Variants in POLR3D observed in about 807,000 individuals in gnomAD.
POLR3D encodes the protein DNA-directed RNA polymerase III subunit RPC4.
In POLR3D, 42 loss-of-function variants were observed where a neutral mutation model predicts 44.5. That is an observed-to-expected ratio of 0.94 (90% CI 0.74 to 1.22). The LOEUF (loss-of-function observed/expected upper bound fraction) is 1.22. Among genes scored for constraint, POLR3D ranks in the 50% most tolerant of loss-of-function variants. The probability of loss-of-function intolerance (pLI) is 0.00; values close to 1 mark genes in which losing one functional copy is unlikely to be tolerated. For missense variants in POLR3D, 507 were observed against 505.2 expected, an observed-to-expected ratio of 1.00 and a Z score of -0.03; for synonymous variants, 217 against 198.1, an observed-to-expected ratio of 1.10 and a Z score of -0.80.
In POLR3D at chr8:22,251,219, G is replaced by C. The variant is rs548993114; in HGVS notation, c.*701G>C. 1 of 153,402 alleles carries C rather than the reference G, an allele frequency of 6.5e-6. No homozygotes were observed. Among genetic ancestry groups the C allele is most frequent in the Admixed American group, 6.5e-5 (1 of 15,280 alleles). The allele number at this position is 153,402 out of a possible 1,614,324, so 9.5% of individuals were successfully genotyped here. On this transcript the variant is annotated 3_prime_UTR_variant, in exon 9 of 9. Transcript: ENST00000306433. ...AGATTCTAAATCTCCCAGAAGCAGC[G>C]ACTAGAGCTGCTCCCGTCCCCACTC...
At chr8:22,247,773 G>C in intron 3 of POLR3D, 84 bp from the exon 4 acceptor site, 1 of 1,275,372 alleles carries the variant, frequency 7.8e-7, no homozygotes, top group Non-Finnish European at 1.1e-6. Context: ...CCACTGTTTT[G>C]GAGTGAAGTG....
At chr8:22,249,427 A>G in intron 7 of POLR3D, 118 bp downstream of exon 7, 1 of 1,085,080 alleles carries the variant, frequency 9.2e-7, no homozygotes, top group Non-Finnish European at 1.3e-6. Context: ...ATGGGTGGTT[A>G]TTCTTGACGC....
intron 2 of POLR3D, 135 bp from the exon 3 acceptor site, chr8:22,247,086 A>T (rs557601129): frequency 1.5e-6 from 1 of 649,934 alleles, no homozygotes; most frequent in South Asian, 2.0e-5. Flanking sequence ...TATAAAACTG[A>T]CAGCACTGTG....
At chr8:22,248,923 G>A (rs751335284) in intron 6 of POLR3D, 121 bp from the exon 7 acceptor site, 138 of 1,128,258 alleles carry the variant, frequency 1.2e-4, no homozygotes, top group Middle Eastern at 2.9e-4. Flanking sequence ...TGTATAACTG[G>A]TGCCTCCTTC....
At chr8:22,248,787 T>C (rs564970353) in intron 6 of POLR3D, 138 bp downstream of exon 6, 99 of 907,080 alleles carry the variant, frequency 1.1e-4, no homozygotes, top group Non-Finnish European at 1.7e-4. Context: ...ATACATGAGC[T>C]GAACAAAGAT....
chr8:22,245,354 C>G (rs1170614630), intron 1 of POLR3D, 91 bp from the exon 2 acceptor site: 1 of 975,630 alleles, frequency 1.0e-6, no homozygotes, highest in Non-Finnish European at 1.4e-6. Context: ...AGGGACGCAC[C>G]GACTGGGGGA....
intron 2 of POLR3D, among the ~76,000 whole-genome samples, chr8:22,246,981 G>A (rs1355900109): frequency 6.6e-6 from 1 of 152,146 alleles, no homozygotes; most frequent in Non-Finnish European, 1.5e-5. Flanking sequence ...AGAACCTAAG[G>A]CTGCTGGTTA....
At position 22,246,882 on chromosome 8, in the gene POLR3D, A is replaced by G. The variant is rs183419256; in HGVS notation, c.166-339A>G. On this transcript the variant is annotated intron_variant, in intron 2 of 8. Transcript: ENST00000306433. The stretch of plus-strand genomic sequence containing the variant: ...CTAGAGCTGTTCCCCCATGATACTG[A>G]CTGGTCTCTATAGCAGTTTGAAGAG... 3.9e-3 allele frequency among the ~76,000 whole-genome samples: 587 copies of G among 152,268 alleles called. 3 individuals carry two copies. The highest frequency in any genetic ancestry group is 5.8e-3 in the Non-Finnish European group (392 of 68,028).
At position 22,245,330 on chromosome 8, in the gene POLR3D, T is replaced by C. The variant is rs1411133652; in HGVS notation, c.-5-115T>C. ...TCTCGCCACGTGGGAGGGGAGGAGC[T>C]GAGAGGCCACTGGAGGGACGCACCG... On this transcript the variant is annotated intron_variant, in intron 1 of 8. Coordinates refer to ENST00000306433, the MANE Select transcript of POLR3D (RefSeq NM_001722.3). The C allele has an allele frequency of 1.8e-5, 13 of 707,804 alleles. No homozygotes were observed. In the East Asian group the frequency reaches 3.9e-4, roughly 21 times the overall value. The allele number at this position is 707,804 out of a possible 1,614,324, so 43.8% of individuals were successfully genotyped here. A position where few individuals can be genotyped will look rare whatever the true frequency, so the allele number is the denominator to read the frequency against.
In POLR3D at chr8:22,253,431, A is replaced by C. The variant is rs530696306; in HGVS notation, c.*2913A>C. 1 of 152,358 alleles carries C rather than the reference A, an allele frequency of 6.6e-6. No individual in the cohort carries two copies. Among genetic ancestry groups the C allele is most frequent in the African/African-American group, 2.4e-5 (1 of 41,570 alleles). 9.4% of individuals were successfully genotyped at this position (152,358 alleles called of 1,614,324 possible). ...TCGACTAGTGTATCCCCTGGCACTGAGCACACTTGCCCTTGAGCTGGGGTT... is the reference window on the plus strand; with the variant it reads ...TCGACTAGTGTATCCCCTGGCACTGCGCACACTTGCCCTTGAGCTGGGGTT... On this transcript the variant is annotated 3_prime_UTR_variant, in exon 9 of 9. Coordinates refer to ENST00000306433, the MANE Select transcript of POLR3D (RefSeq NM_001722.3).
At position 22,250,680 on chromosome 8, in the gene POLR3D, G is replaced by A; in HGVS notation, c.*162G>A. On this transcript the variant is annotated 3_prime_UTR_variant, in exon 9 of 9. Transcript: ENST00000306433. ...TCCCCCAGGGCTTCCTCCCACAGCA[G>A]CTGTGAATGGCACAGTGACCTTCCT... 1.3e-6 allele frequency: 1 copy of A among 779,390 alleles called. No homozygotes were observed. Among genetic ancestry groups the A allele is most frequent in the Non-Finnish European group, 2.1e-6 (1 of 469,018 alleles). The allele number at this position is 779,390 out of a possible 1,614,324, so 48.3% of individuals were successfully genotyped here. A position where few individuals can be genotyped will look rare whatever the true frequency, so the allele number is the denominator to read the frequency against.
In POLR3D at chr8:22,247,768, GT is replaced by G. The variant is rs561088354; in HGVS notation, c.210-85del. The G allele has an allele frequency of 8.3e-3, 10,376 of 1,250,808 alleles. 65 individuals carry two copies. Among genetic ancestry groups the G allele is most frequent in the Middle Eastern group, 0.015 (69 of 4,490 alleles). The allele number at this position is 1,250,808 out of a possible 1,614,324, so 77.5% of individuals were successfully genotyped here. On this transcript the variant is annotated intron_variant, in intron 3 of 8. Transcript: ENST00000306433. ...TAAATATTGGCTCAAACTCTCCACT[GT>G]TTTGGAGTGAAGTGGTATGGGAGAG... is the stretch of plus-strand genomic sequence containing the variant.
At position 22,254,115 on chromosome 8, in the gene POLR3D, G is replaced by T. The variant is rs1404338648; in HGVS notation, c.*3597G>T. 6.6e-6 allele frequency: 1 copy of T among 151,904 alleles called. No individual in the cohort carries two copies. Among genetic ancestry groups the T allele is most frequent in the Non-Finnish European group, 1.5e-5 (1 of 67,998 alleles). The allele number at this position is 151,904 out of a possible 1,614,324, so 9.4% of individuals were successfully genotyped here. On this transcript the variant is annotated 3_prime_UTR_variant, in exon 9 of 9. Transcript: ENST00000306433. Reference sequence around the variant, plus strand: ...CACTCACCCCCTTTTGGAGTGCCCAGTGTTTGCTATTTCCATCTTTATGTC... The same window carrying T: ...CACTCACCCCCTTTTGGAGTGCCCATTGTTTGCTATTTCCATCTTTATGTC...
At position 22,249,231 on chromosome 8, in the gene POLR3D, C is replaced by G. The variant is rs757338965; in HGVS notation, c.843C>G (p.Thr281=). ...ACACCCTCCCTGGCCAGCCACCCAC[C>G]CAGGACATCAAGCCTATCAAGACAG... The part of the protein sequence containing the change: ...LPDTLPGQPP[T]QDIKPIKTEV... The change falls in exon 7 of 9, where the codon ACC becomes ACG. Residue 281 remains threonine, a synonymous_variant. Transcript: ENST00000306433. The G allele has an allele frequency of 2.4e-5, 39 of 1,614,028 alleles. No individual in the cohort carries two copies. The highest frequency in any genetic ancestry group is 3.1e-5 in the Non-Finnish European group (36 of 1,180,010).
chr8:22,245,713 G>C, intron 2 of POLR3D, 99 bp downstream of exon 2: 1 of 857,116 alleles, frequency 1.2e-6, no homozygotes, highest in Non-Finnish European at 1.6e-6. Flanking sequence ...TGTCAGGACT[G>C]TCGTTGGGCC....
Position 22,252,215 on chromosome 8 carries a change from G to A in POLR3D, c.*1697G>A, listed in dbSNP as rs534337771. On this transcript the variant is annotated 3_prime_UTR_variant, in exon 9 of 9. Coordinates refer to ENST00000306433, the MANE Select transcript of POLR3D (RefSeq NM_001722.3). ...TCACTGTAGAGGACTGGAGCAGAAA[G>A]GGTTCCTTGGAAACCTGTGCTGGGA... 6.5e-6 allele frequency: 1 copy of A among 153,900 alleles called. No homozygotes were observed. Among genetic ancestry groups the A allele is most frequent in the Admixed American group, 6.5e-5 (1 of 15,300 alleles). The allele number at this position is 153,900 out of a possible 1,614,324, so 9.5% of individuals were successfully genotyped here.
chr8:22,250,674 A>C lies in POLR3D; in HGVS notation c.*156A>C. On this transcript the variant is annotated 3_prime_UTR_variant, in exon 9 of 9. Coordinates refer to ENST00000306433, the MANE Select transcript of POLR3D (RefSeq NM_001722.3). ...TCCAGGTCCCCCAGGGCTTCCTCCCACAGCAGCTGTGAATGGCACAGTGAC... is the reference window on the plus strand; with the variant it reads ...TCCAGGTCCCCCAGGGCTTCCTCCCCCAGCAGCTGTGAATGGCACAGTGAC... 1 of 854,798 alleles carries C rather than the reference A, an allele frequency of 1.2e-6. No homozygotes were observed. The highest frequency in any genetic ancestry group is 1.9e-6 in the Non-Finnish European group (1 of 534,266). 53.0% of individuals were successfully genotyped at this position (854,798 alleles called of 1,614,324 possible).
rs372244316 is a variant in POLR3D at position 22,253,289 on chromosome 8, T to C, written c.*2771T>C. On this transcript the variant is annotated 3_prime_UTR_variant, in exon 9 of 9. Transcript: ENST00000306433. Reference sequence around the variant, plus strand: ...AGTGGACAGTAGTACAGGAGCCTTCTCATTCTGCCCTTATCCGGGAATAAC... The same window carrying C: ...AGTGGACAGTAGTACAGGAGCCTTCCCATTCTGCCCTTATCCGGGAATAAC... The C allele has an allele frequency of 7.2e-5, 11 of 152,342 alleles. No homozygotes were observed. In the East Asian group the frequency reaches 1.9e-3, roughly 27 times the overall value. 9.4% of individuals were successfully genotyped at this position (152,342 alleles called of 1,614,324 possible).
chr8:22,248,932 TC>T, intron 6 of POLR3D, 111 bp from the exon 7 acceptor site: 1 of 1,251,390 alleles, frequency 8.0e-7, no homozygotes, highest in Non-Finnish European at 1.1e-6. Context: ...GGTGCCTCCT[TC>T]CCACTCCCTG....
Sources: gnomAD v4.1 joint callset for allele counts (sites outside exome capture counted in the v4.1 genomes callset) on GRCh38, gnomAD v4.1.1 for gene constraint, MANE v1.5 for transcripts, NCBI Gene and HGNC (gene_info 2026-07-23, HGNC 2026-07-21) for gene names.